The following ESRRB variants were observed in gnomAD, a reference collection of about 807,000 sequenced individuals.
ESRRB encodes the protein estrogen related receptor beta.
A neutral mutation model predicts 46.0 loss-of-function variants in ESRRB; 16 were observed. The ratio of observed to expected loss-of-function variants is 0.35; its 90% CI spans 0.24 to 0.53. ESRRB has a LOEUF of 0.53. Ranked by LOEUF, ESRRB falls within the 20% of genes least tolerant of loss-of-function variation. The pLI is 0.93. For missense variants in ESRRB, 488 were observed against 607.4 expected (o/e 0.80, Z 2.07); for synonymous variants, 246 against 259.6 (o/e 0.95, Z 0.50).
At chr14:76,389,998 G>A (rs906046868) in intron 1 of ESRRB, among the ~76,000 whole-genome samples, 3 of 152,146 alleles carry the variant, frequency 2.0e-5, no homozygotes, top group Non-Finnish European at 2.9e-5. Context: ...CATGATGGGA[G>A]TATTTACACC....
chr14:76,339,735 T>C (rs1433592188), intron 1 of ESRRB, among the ~76,000 whole-genome samples: 2 of 152,024 alleles, frequency 1.3e-5, no homozygotes, highest in African/African-American at 2.4e-5. Context: ...CCCCCCACAC[T>C]CACAAGCCCG....
At chr14:76,401,762 A>T (rs1226119940) in intron 1 of ESRRB, among the ~76,000 whole-genome samples, 1 of 152,212 alleles carries the variant, frequency 6.6e-6, no homozygotes, top group Non-Finnish European at 1.5e-5. Flanking sequence ...ACACTCTATG[A>T]TGTTCACACA....
chr14:76,395,411 C>A (rs909721087), intron 1 of ESRRB, among the ~76,000 whole-genome samples: 1 of 152,140 alleles, frequency 6.6e-6, no homozygotes, highest in Non-Finnish European at 1.5e-5. Flanking sequence ...GGAGTCCCTC[C>A]GGACTCACGG....
At chr14:76,345,652 A>G (rs1884240996) in intron 1 of ESRRB, among the ~76,000 whole-genome samples, 1 of 26,224 alleles carries the variant, frequency 3.8e-5, no homozygotes, top group South Asian at 2.4e-3. Flanking sequence ...GAAAGAACTA[A>G]AAGTAGAACC....
At chr14:76,481,312 C>T (rs1173465150) in intron 3 of ESRRB, among the ~76,000 whole-genome samples, 1 of 152,186 alleles carries the variant, frequency 6.6e-6, no homozygotes, top group African/African-American at 2.4e-5. Context: ...TTCCGGAAGG[C>T]AAGTTGGATT....
chr14:76,462,881 G>A (rs568195722), intron 3 of ESRRB, among the ~76,000 whole-genome samples: 95 of 152,252 alleles, frequency 6.2e-4, no homozygotes, highest in Admixed American at 1.4e-3. Context: ...GGATCCTTCC[G>A]AACCCCTGAC....
chr14:76,316,252 A>G (rs1366457824), intron 1 of ESRRB, among the ~76,000 whole-genome samples: 1 of 152,150 alleles, frequency 6.6e-6, no homozygotes, highest in Non-Finnish European at 1.5e-5. Context: ...CCTTGTTCCC[A>G]TGCAGGGACT....
At chr14:76,443,650 T>A (rs974591931) in intron 2 of ESRRB, among the ~76,000 whole-genome samples, 1 of 152,354 alleles carries the variant, frequency 6.6e-6, no homozygotes, top group Middle Eastern at 3.4e-3. Flanking sequence ...TCACATTTTC[T>A]TCTCACCATG....
Position 76,491,589 on chromosome 14 carries a change from G to T in ESRRB, c.993G>T (p.Glu331Asp). 1 of 1,589,516 alleles carries T rather than the reference G, an allele frequency of 6.3e-7. No homozygotes were observed. Among genetic ancestry groups the T allele is most frequent in the Admixed American group, 1.8e-5 (1 of 55,020 alleles). ...VYAEDYIMDE[E>D]HSRLAGLLEL... ...CTGAGGACTACATCATGGATGAGGAGCACTCCCGCCTCGCGGGGCTGCTGG... is the reference window on the plus strand; with the variant it reads ...CTGAGGACTACATCATGGATGAGGATCACTCCCGCCTCGCGGGGCTGCTGG... Residue 331 changes from glutamate (E) to aspartate (D), a missense_variant, in exon 6 of 7, where the codon GAG becomes GAT. Glu to Asp is a conservative substitution (Grantham distance 45, BLOSUM62 2). Transcript: ENST00000644823.
At chr14:76,496,271 C>T (rs1289223316) in intron 6 of ESRRB, among the ~76,000 whole-genome samples, 1 of 152,114 alleles carries the variant, frequency 6.6e-6, no homozygotes, top group Non-Finnish European at 1.5e-5. Flanking sequence ...CTGGATGTGG[C>T]AGAAAGAGCC....
intron 3 of ESRRB, among the ~76,000 whole-genome samples, chr14:76,473,781 C>T (rs1212028386): frequency 6.6e-6 from 1 of 152,244 alleles, no homozygotes; most frequent in Non-Finnish European, 1.5e-5. Context: ...AAGTGGGTAT[C>T]CAATCCCGGA....
At chr14:76,483,047 C>G (rs184245614) in intron 5 of ESRRB, among the ~76,000 whole-genome samples, 1 of 152,252 alleles carries the variant, frequency 6.6e-6, no homozygotes, top group Non-Finnish European at 1.5e-5. Flanking sequence ...ATTCAAAGAA[C>G]AAGTTCCTTG....
rs377579634 is a variant in ESRRB at position 76,405,711 on chromosome 14, G to A, written c.50+29260G>A. Among the ~76,000 whole-genome samples, 134 of 151,708 alleles carry A rather than the reference G, an allele frequency of 8.8e-4. No homozygotes were observed. In the Middle Eastern group the frequency reaches 0.01, roughly 12 times the overall value. On this transcript the variant is annotated intron_variant, in intron 1 of 6. Coordinates refer to ENST00000644823, the MANE Select transcript of ESRRB (RefSeq NM_001379180.1). ...CCCTGCCAAGCCTCTCTGAGGTCGC[G>A]CCACTGCACTCCAGCCTGGCAACAG...
At chr14:76,492,230 C>G (rs1890259951) in intron 6 of ESRRB, among the ~76,000 whole-genome samples, 1 of 152,188 alleles carries the variant, frequency 6.6e-6, no homozygotes, top group Non-Finnish European at 1.5e-5. Context: ...GTGGCTTGAT[C>G]CTAGCTCACT....
At chr14:76,365,213 G>T (rs1884506329) in intron 1 of ESRRB, among the ~76,000 whole-genome samples, 1 of 152,214 alleles carries the variant, frequency 6.6e-6, no homozygotes, top group Non-Finnish European at 1.5e-5. Context: ...GGTGGCTCAC[G>T]CCTGTCATCC....
chr14:76,496,913 A>G (rs1890453728), intron 6 of ESRRB, among the ~76,000 whole-genome samples: 1 of 152,252 alleles, frequency 6.6e-6, no homozygotes, highest in African/African-American at 2.4e-5. Context: ...AAAAATTCAT[A>G]GCCATTGATT....
rs112596035 is a variant in ESRRB, at chr14:76,454,970, T to C, written c.461-7575T>C. On this transcript the variant is annotated intron_variant, in intron 2 of 6. Transcript: ENST00000644823. ...GAGTTCAAGACCAGCCTGGCCAACA[T>C]GGTGAGGAGTTTGAGACCAGCCTGG... Among the ~76,000 whole-genome samples the C allele has an allele frequency of 1.2e-3, 157 of 134,718 alleles. 2 individuals are homozygous for C. Among genetic ancestry groups the C allele is most frequent in the South Asian group, 7.3e-4 (3 of 4,116 alleles). 88.4% of individuals were successfully genotyped at this position (134,718 alleles called of 152,430 possible).
rs1365006779 is a variant in ESRRB at position 76,419,118 on chromosome 14, G to A, written c.51-20223G>A. 3.3e-5 allele frequency among the ~76,000 whole-genome samples: 5 copies of A among 151,776 alleles called. No homozygotes were observed. In the East Asian group the frequency reaches 5.8e-4, roughly 18 times the overall value. ...CAACCTTCGCCTCTCAGGTTCAAAC[G>A]ATTCTCCTGTGTCAGCCTCCTGAGT... On this transcript the variant is annotated intron_variant, in intron 1 of 6. Coordinates refer to ENST00000644823, the MANE Select transcript of ESRRB (RefSeq NM_001379180.1).
At chr14:76,369,657 A>T (rs1884574291), upstream of ESRRB, among the ~76,000 whole-genome samples, 1 of 152,204 alleles carries the variant, frequency 6.6e-6, no homozygotes, top group Non-Finnish European at 1.5e-5. Context: ...GCAAAAATAA[A>T]ATGCATTTTA....
Sources: allele counts gnomAD v4.1 joint callset (sites outside exome capture counted in the v4.1 genomes callset), GRCh38; gene constraint gnomAD v4.1.1; transcripts MANE v1.5; gene names NCBI Gene and HGNC (gene_info 2026-07-23, HGNC 2026-07-21).